STX1B: variants seen among roughly 807,000 people sequenced by gnomAD.
STX1B encodes syntaxin-1B.
Under a neutral mutation model 39.4 loss-of-function variants are expected in STX1B, and 7 were observed. The ratio of observed to expected loss-of-function variants is 0.18; its 90% CI spans 0.10 to 0.33. The LOEUF (loss-of-function observed/expected upper bound fraction) is 0.33. Among genes scored for constraint, STX1B ranks in the 10% least tolerant of loss-of-function variants. The pLI, the probability that STX1B is intolerant of heterozygous loss-of-function variation, is 1.00. For missense variants in STX1B, 198 were observed against 383.2 expected (o/e 0.52, Z 4.04); for synonymous variants, 136 against 144.1 (o/e 0.94, Z 0.40).
Position 31,000,971 on chromosome 16 carries a change from T to C in STX1B, c.237A>G (p.Ala79=), listed in dbSNP as rs894670114. The C allele has an allele frequency of 3.1e-6, 5 of 1,614,198 alleles. No individual in the cohort carries two copies. Among genetic ancestry groups the C allele is most frequent in the Non-Finnish European group, 4.2e-6 (5 of 1,180,032 alleles). ...CCTTGTTGGCCGTCTTCTTGATGTC[T>C]GCAGTGAGATCCTCCAGCTCCTGTT... ...KTKQELEDLT[A]DIKKTANKVR... is the part of the protein sequence containing the mutation. The change falls in exon 4 of 10, where the codon GCA becomes GCG. Residue 79 remains alanine (A), a synonymous_variant. Transcript: ENST00000215095.
At position 30,991,481 on chromosome 16, in the gene STX1B, G is replaced by T. The variant is rs1442405280; in HGVS notation, c.*1340C>A. The T allele has an allele frequency of 1.3e-5, 2 of 151,598 alleles. No homozygotes were observed. Among genetic ancestry groups the T allele is most frequent in the Non-Finnish European group, 1.5e-5 (1 of 67,980 alleles). The allele number at this position is 151,598 out of a possible 1,614,324, so 9.4% of individuals were successfully genotyped here. On this transcript the variant is annotated 3_prime_UTR_variant, in exon 10 of 10. Coordinates refer to ENST00000215095, the MANE Select transcript of STX1B (RefSeq NM_052874.5). ...AACTGGAGAGACAAAGCCAGATGGG[G>T]CCACGTCCTTAGAAGTGTGTGTGCA...
rs2143653500 is a variant in STX1B at position 30,990,189 on chromosome 16, CGTGG to C, written c.*2628_*2631del. 6.6e-6 allele frequency: 1 copy of C among 152,434 alleles called. No homozygotes were observed. The highest frequency in any genetic ancestry group is 1.9e-4 in the East Asian group (1 of 5,178). 9.4% of individuals were successfully genotyped at this position (152,434 alleles called of 1,614,324 possible). A position where few individuals can be genotyped will look rare whatever the true frequency, so the allele number is the denominator to read the frequency against. On this transcript the variant is annotated 3_prime_UTR_variant, in exon 10 of 10. Coordinates refer to ENST00000215095, the MANE Select transcript of STX1B (RefSeq NM_052874.5). ...AACCCTTCTCCTGTGGCCCCAAGGC[CGTGG>C]GACTTCCGGAAACACCTGGGCTGAA...
At chr16:30,997,356 C>A (rs1269064369) in intron 5 of STX1B, 146 bp downstream of exon 5, 2 of 722,846 alleles carry the variant, frequency 2.8e-6, no homozygotes, top group East Asian at 5.5e-5. Flanking sequence ...CAGGGCCCCG[C>A]CCGCTCTAGC....
intron 8 of STX1B, 44 bp downstream of exon 8, chr16:30,993,303 G>A: frequency 6.2e-7 from 1 of 1,613,580 alleles, no homozygotes. Context: ...GGGACCTCAG[G>A]CCCAGGGAGG....
chr16:30,996,983 C>G lies in STX1B; in HGVS notation c.431G>C (p.Cys144Ser). Reference protein sequence around the residue: ...NATQSKYRDRCKDRIQRQLEI... With the variant: ...NATQSKYRDRSKDRIQRQLEI... ...CAGTTGCCGCTGGATCCGGTCCTTG[C>G]AGCGGTCCCGGTACTTGGACTGGGT... The change falls in exon 6 of 10, where the codon TGC (cysteine) becomes TCC (serine). Residue 144 changes from cysteine (C) to serine (S), a missense_variant. Physicochemically the swap from Cys to Ser is moderately radical, Grantham distance 112. Transcript: ENST00000215095. The G allele has an allele frequency of 6.2e-7, 1 of 1,613,592 alleles. No homozygotes were observed. The highest frequency in any genetic ancestry group is 8.5e-7 in the Non-Finnish European group (1 of 1,179,938).
chr16:31,009,543 A>C, intron 1 of STX1B, among the ~76,000 whole-genome samples: 1 of 151,576 alleles, frequency 6.6e-6, no homozygotes, highest in Admixed American at 6.6e-5. Flanking sequence ...AACCATTCTC[A>C]TCGAACCCCA....
intron 1 of STX1B, 124 bp downstream of exon 1, chr16:31,010,243 C>T: frequency 2.9e-6 from 2 of 700,402 alleles, no homozygotes; most frequent in Non-Finnish European, 4.2e-6. Flanking sequence ...TACTGGGGTG[C>T]TCCGGCTACC....
In STX1B at chr16:30,990,768, T is replaced by C. The variant is rs1414470457; in HGVS notation, c.*2053A>G. ...CCTACCTGCCACCAAACCCACAAAT[T>C]GTGCCTGTGCTGGCTACACAACAGG... On this transcript the variant is annotated 3_prime_UTR_variant, in exon 10 of 10. Transcript: ENST00000215095. 1.3e-5 allele frequency: 2 copies of C among 152,220 alleles called. No individual in the cohort carries two copies. Among genetic ancestry groups the C allele is most frequent in the East Asian group, 3.9e-4 (2 of 5,182 alleles). The allele number at this position is 152,220 out of a possible 1,614,324, so 9.4% of individuals were successfully genotyped here.
rs201290311 is a variant in STX1B, at chr16:30,992,649, G to GGC, written c.*171_*172insGC. The GGC allele has an allele frequency of 6.3e-3, 3,070 of 489,362 alleles. 34 individuals carry two copies. The highest frequency in any genetic ancestry group is 0.017 in the African/African-American group (715 of 42,804). 30.3% of individuals were successfully genotyped at this position (489,362 alleles called of 1,614,324 possible). On this transcript the variant is annotated 3_prime_UTR_variant, in exon 10 of 10. Coordinates refer to ENST00000215095, the MANE Select transcript of STX1B (RefSeq NM_052874.5). The stretch of plus-strand genomic sequence containing the variant: ...CGATCTACGTGCGGGGACGGGGGGG[G>GGC]GGTCCATGGCCCGGTGAGGTCCAGG...
At chr16:31,009,266 C>T (rs1251353410) in intron 1 of STX1B, among the ~76,000 whole-genome samples, 1 of 152,148 alleles carries the variant, frequency 6.6e-6, no homozygotes, top group Non-Finnish European at 1.5e-5. Flanking sequence ...AGATTGCAGT[C>T]TGCCCCCCAC....
rs780445080 is a variant in STX1B at position 30,993,488 on chromosome 16, G to C, written c.538-4C>G. On this transcript the variant is annotated splice_region_variant and splice_polypyrimidine_tract_variant and intron_variant, in intron 7 of 9. Coordinates refer to ENST00000215095, the MANE Select transcript of STX1B (RefSeq NM_052874.5). ...TCATCTGTGAGTCCATTTTGATCTA[G>C]GGTGACGAGGGAGAGAGCTACAATC... The C allele has an allele frequency of 6.2e-7, 1 of 1,613,476 alleles. No individual in the cohort carries two copies. Among genetic ancestry groups the C allele is most frequent in the Non-Finnish European group, 8.5e-7 (1 of 1,179,974 alleles).
chr16:31,007,974 C>A (rs2056662852), intron 1 of STX1B, among the ~76,000 whole-genome samples: 1 of 152,204 alleles, frequency 6.6e-6, no homozygotes, highest in Non-Finnish European at 1.5e-5. Context: ...TGAACCCAGA[C>A]AGTCTGGCTC....
intron 4 of STX1B, among the ~76,000 whole-genome samples, chr16:31,000,377 G>T (rs1362499507): frequency 2.7e-5 from 4 of 150,142 alleles, no homozygotes; most frequent in African/African-American, 9.8e-5. Context: ...CTGTAACCCA[G>T]GCTGGAGTAC....
Position 31,001,216 on chromosome 16 carries a change from C to A in STX1B, c.106-23G>T. On this transcript the variant is annotated intron_variant, in intron 2 of 9. Transcript: ENST00000215095. The surrounding 1 kb of genome is among the most constrained non-coding windows in gnomAD (Gnocchi z 5.5). ...CACCTGGAGCAGAAAATCGGCTATA[C>A]CCAGCCAAGCTGTCAGGCCAAACAA... is the stretch of plus-strand genomic sequence containing the variant. 6.2e-7 allele frequency: 1 copy of A among 1,609,332 alleles called. No homozygotes were observed. The highest frequency in any genetic ancestry group is 2.2e-5 in the East Asian group (1 of 44,872).
Position 30,992,546 on chromosome 16 carries a change from G to A in STX1B, c.*275C>T, listed in dbSNP as rs1303352740. The A allele has an allele frequency of 7.4e-6, 3 of 405,704 alleles. No individual in the cohort carries two copies. Among genetic ancestry groups the A allele is most frequent in the African/African-American group, 2.1e-5 (1 of 48,640 alleles). 25.1% of individuals were successfully genotyped at this position (405,704 alleles called of 1,614,324 possible). On this transcript the variant is annotated 3_prime_UTR_variant, in exon 10 of 10. Transcript: ENST00000215095. ...TGCATCACACACATCACACGCACACGCACGCTGGGGTGTCCACACGTCTCG... is the reference window on the plus strand; with the variant it reads ...TGCATCACACACATCACACGCACACACACGCTGGGGTGTCCACACGTCTCG...
At chr16:31,004,223 A>G (rs1479714525) in intron 1 of STX1B, among the ~76,000 whole-genome samples, 3 of 152,262 alleles carry the variant, frequency 2.0e-5, no homozygotes, top group Non-Finnish European at 4.4e-5. Flanking sequence ...ATTGGCCAAC[A>G]TAATTATACT....
At chr16:31,007,987 G>A (rs868514956) in intron 1 of STX1B, among the ~76,000 whole-genome samples, 4 of 152,126 alleles carry the variant, frequency 2.6e-5, no homozygotes, top group Admixed American at 6.5e-5. Flanking sequence ...TCTGGCTCCC[G>A]AAACCACTGT....
chr16:31,001,692 G>T lies in STX1B; in HGVS notation c.31-89C>A. On this transcript the variant is annotated intron_variant, in intron 1 of 9. Transcript: ENST00000215095. The surrounding 1 kb of genome is among the most constrained non-coding windows in gnomAD (Gnocchi z 5.5). ...AGCTCTCCCACCCTCTCCCTGCTATGCACACACAGGTGCTCCCAGCTCTAG... is the reference window on the plus strand; with the variant it reads ...AGCTCTCCCACCCTCTCCCTGCTATTCACACACAGGTGCTCCCAGCTCTAG... 1 of 1,008,738 alleles carries T rather than the reference G, an allele frequency of 9.9e-7. No individual in the cohort carries two copies. The highest frequency in any genetic ancestry group is 1.5e-6 in the Non-Finnish European group (1 of 667,520). The allele number at this position is 1,008,738 out of a possible 1,614,324, so 62.5% of individuals were successfully genotyped here.
At chr16:30,997,480 C>T (rs180959444) in intron 5 of STX1B, 22 bp downstream of exon 5, 3 of 1,589,710 alleles carry the variant, frequency 1.9e-6, no homozygotes, top group East Asian at 2.3e-5. Flanking sequence ...GACCCGACCC[C>T]CAATGGGCTG....
Sources: allele counts gnomAD v4.1 joint callset (sites outside exome capture counted in the v4.1 genomes callset), GRCh38; gene constraint gnomAD v4.1.1; non-coding constraint Gnocchi (gnomAD v3.1); transcripts MANE v1.5; gene names NCBI Gene and HGNC (gene_info 2026-07-23, HGNC 2026-07-21).